The following RPRD1B variants were observed in gnomAD, a reference collection of about 807,000 sequenced individuals.
The protein encoded by RPRD1B is regulation of nuclear pre-mRNA domain-containing protein 1B.
RPRD1B carries 11 observed loss-of-function variants against 41.5 expected under a neutral mutation model. The ratio of observed to expected loss-of-function variants is 0.27; its 90% CI spans 0.17 to 0.44. The LOEUF is 0.44. RPRD1B is among the 20% of genes least tolerant of loss of function. The pLI is 1.00. For synonymous variants in RPRD1B, 158 were observed against 155.6 expected, an observed-to-expected ratio of 1.02 and a Z score of -0.12; for missense variants, 248 against 389.9, an observed-to-expected ratio of 0.64 and a Z score of 3.06.
chr20:38,089,187 C>T (rs896332073), intron 6 of RPRD1B, among the ~76,000 whole-genome samples: 8 of 152,256 alleles, frequency 5.3e-5, no homozygotes, highest in Admixed American at 2.0e-4. Flanking sequence ...CAGGGACTTA[C>T]TGCAGTGACT....
chr20:38,068,271 C>G (rs555447377), intron 6 of RPRD1B, among the ~76,000 whole-genome samples: 1 of 152,226 alleles, frequency 6.6e-6, no homozygotes, highest in Non-Finnish European at 1.5e-5. Context: ...CTGGAACCAA[C>G]GTACAGAGTC....
At chr20:38,049,103 A>G (rs2074152526) in intron 3 of RPRD1B, among the ~76,000 whole-genome samples, 1 of 150,270 alleles carries the variant, frequency 6.7e-6, no homozygotes, top group South Asian at 2.1e-4. Context: ...CACCTGCCAC[A>G]ACACCCGGCT....
At chr20:38,049,913 T>C in intron 3 of RPRD1B, 1 of 461,174 alleles carries the variant, frequency 2.2e-6, no homozygotes, top group Non-Finnish European at 4.5e-6. Context: ...TTGGCCAAAC[T>C]GAATTGCCGA....
At chr20:38,068,775 C>A (rs1433791662) in intron 6 of RPRD1B, among the ~76,000 whole-genome samples, 1 of 152,204 alleles carries the variant, frequency 6.6e-6, no homozygotes, top group Admixed American at 6.5e-5. Context: ...CTGGTCCTGT[C>A]CCATCACATC....
chr20:38,038,454 C>T (rs1011423970), intron 1 of RPRD1B, among the ~76,000 whole-genome samples: 5 of 149,184 alleles, frequency 3.4e-5, no homozygotes, highest in Admixed American at 1.3e-4. Context: ...GGTTTACAGG[C>T]GCCTGGCACC....
chr20:38,045,207 A>G (rs761313465), intron 2 of RPRD1B, among the ~76,000 whole-genome samples: 7 of 152,242 alleles, frequency 4.6e-5, no homozygotes, highest in Non-Finnish European at 4.4e-5. Context: ...GCCATCTTCC[A>G]CTTTATTCAT....
At chr20:38,052,184 T>C (rs1404017354) in intron 3 of RPRD1B, among the ~76,000 whole-genome samples, 1 of 152,244 alleles carries the variant, frequency 6.6e-6, no homozygotes, top group Non-Finnish European at 1.5e-5. Flanking sequence ...CTTGAGATAA[T>C]GCAGGTAAGA....
Position 38,091,123 on chromosome 20 carries a change from A to ATT in RPRD1B, c.*1250_*1251dup. 1.0e-6 allele frequency: 1 copy of ATT among 985,782 alleles called. No homozygotes were observed. Among genetic ancestry groups the ATT allele is most frequent in the Non-Finnish European group, 1.2e-6 (1 of 829,922 alleles). The allele number at this position is 985,782 out of a possible 1,614,324, so 61.1% of individuals were successfully genotyped here. A position where few individuals can be genotyped will look rare whatever the true frequency, so the allele number is the denominator to read the frequency against. ...AGCCTGCCAATTGTAAATCATTCTAATTTGGCAGGCTTATTTTTGACATTG... is the reference window on the plus strand; with the variant it reads ...AGCCTGCCAATTGTAAATCATTCTAATTTTTGGCAGGCTTATTTTTGACATTG... On this transcript the variant is annotated 3_prime_UTR_variant, in exon 7 of 7. Transcript: ENST00000373433.
At chr20:38,058,029 C>T (rs2074261472) in intron 4 of RPRD1B, among the ~76,000 whole-genome samples, 1 of 152,202 alleles carries the variant, frequency 6.6e-6, no homozygotes, top group Admixed American at 6.5e-5. Flanking sequence ...TATCTAAAGA[C>T]AGTCTATGTG....
At chr20:38,038,128 C>T (rs907304001) in intron 1 of RPRD1B, among the ~76,000 whole-genome samples, 15 of 152,126 alleles carry the variant, frequency 9.9e-5, no homozygotes, top group Non-Finnish European at 1.8e-4. Context: ...GAAGAAAGCT[C>T]CAGGTTCCTA....
chr20:38,081,764 G>A (rs1285662618), intron 6 of RPRD1B, among the ~76,000 whole-genome samples: 1 of 152,198 alleles, frequency 6.6e-6, no homozygotes, highest in African/African-American at 2.4e-5. Flanking sequence ...AACATGAAGG[G>A]ATGTTGAATT....
At chr20:38,070,075 G>C in intron 6 of RPRD1B, 8 of 399,086 alleles carry the variant, frequency 2.0e-5, no homozygotes, top group Non-Finnish European at 2.4e-5. Context: ...TGGTTGTAAA[G>C]AATATGTTAG....
intron 1 of RPRD1B, among the ~76,000 whole-genome samples, chr20:38,034,813 A>G (rs2073980265): frequency 6.6e-6 from 1 of 152,148 alleles, no homozygotes; most frequent in African/African-American, 2.4e-5. Context: ...TCATTCTGTT[A>G]TGTGCCAGGC....
intron 5 of RPRD1B, among the ~76,000 whole-genome samples, chr20:38,063,956 C>G (rs559299543): frequency 2.0e-5 from 3 of 152,290 alleles, no homozygotes; most frequent in South Asian, 4.2e-4. Flanking sequence ...CTTGAGGCTG[C>G]AAATTGATTT....
chr20:38,091,403 A>C lies in RPRD1B; in HGVS notation c.*1528A>C. 1 of 985,458 alleles carries C rather than the reference A, an allele frequency of 1.0e-6. No individual in the cohort carries two copies. Among genetic ancestry groups the C allele is most frequent in the Non-Finnish European group, 1.2e-6 (1 of 829,914 alleles). The allele number at this position is 985,458 out of a possible 1,614,324, so 61.0% of individuals were successfully genotyped here. Reference sequence around the variant, plus strand: ...TGCTTGTCATGAAGTGAGAACAATGAAAAGTCATAGCAGATACTCAGTTTA... The same window carrying C: ...TGCTTGTCATGAAGTGAGAACAATGCAAAGTCATAGCAGATACTCAGTTTA... On this transcript the variant is annotated 3_prime_UTR_variant, in exon 7 of 7. Coordinates refer to ENST00000373433, the MANE Select transcript of RPRD1B (RefSeq NM_021215.4).
chr20:38,039,797 A>G (rs2074046074), intron 1 of RPRD1B, among the ~76,000 whole-genome samples: 2 of 147,840 alleles, frequency 1.4e-5, no homozygotes, highest in Admixed American at 6.8e-5. Context: ...ACAGTAGTGC[A>G]ATCTCGGCTC....
At position 38,048,439 on chromosome 20, in the gene RPRD1B, C is replaced by T; in HGVS notation, c.373C>T (p.Leu125=). 6.2e-7 allele frequency: 1 copy of T among 1,613,740 alleles called. No individual in the cohort carries two copies. Among genetic ancestry groups the T allele is most frequent in the Non-Finnish European group, 8.5e-7 (1 of 1,179,700 alleles). Residue 125 remains leucine, a synonymous_variant, in exon 3 of 7, where the codon CTG becomes TTG. Coordinates refer to ENST00000373433, the MANE Select transcript of RPRD1B (RefSeq NM_021215.4). ...SVYGGEFIQQ[L]KLSMEDSKSP... ...GTATGGCGGCGAGTTCATACAGCAG[C>T]TGAAGCTGTCTATGGAGGACTCCAA...
intron 6 of RPRD1B, among the ~76,000 whole-genome samples, chr20:38,074,080 G>A (rs989740510): frequency 1.3e-5 from 2 of 152,204 alleles, no homozygotes; most frequent in African/African-American, 2.4e-5. Context: ...ACCTTCCCAC[G>A]AAGCAGGCCG....
chr20:38,077,747 A>G (rs528041269), intron 6 of RPRD1B, among the ~76,000 whole-genome samples: 2 of 152,284 alleles, frequency 1.3e-5, no homozygotes, highest in East Asian at 1.9e-4. Flanking sequence ...ATGACTGATC[A>G]TCTACATCTG....
Sources: allele counts gnomAD v4.1 joint callset (sites outside exome capture counted in the v4.1 genomes callset), GRCh38; gene constraint gnomAD v4.1.1; transcripts MANE v1.5; gene names NCBI Gene and HGNC (gene_info 2026-07-23, HGNC 2026-07-21).